Variants in SCLT1 observed in about 807,000 individuals in gnomAD.
The protein encoded by SCLT1 is sodium channel-associated protein 1.
Under a neutral mutation model 112.8 loss-of-function variants are expected in SCLT1, and 78 were observed. The observed-to-expected ratio is 0.69, with a 90% CI of 0.58 to 0.83. SCLT1 has a LOEUF of 0.83. SCLT1 is among the 40% of genes least tolerant of loss of function. The probability of loss-of-function intolerance (pLI) is 0.00; values close to 1 mark genes in which losing one functional copy is unlikely to be tolerated. For missense variants in SCLT1, 747 were observed against 770.4 expected, an observed-to-expected ratio of 0.97 and a Z score of 0.36; for synonymous variants, 257 against 254.7, an observed-to-expected ratio of 1.01 and a Z score of -0.09.
At chr4:128,935,021 A>G (rs553032672) in intron 18 of SCLT1, among the ~76,000 whole-genome samples, 1 of 152,150 alleles carries the variant, frequency 6.6e-6, no homozygotes, top group East Asian at 1.9e-4. Flanking sequence ...ATAACCATGA[A>G]GGAATATTAA....
At chr4:128,912,902 T>C (rs1230295524) in intron 18 of SCLT1, among the ~76,000 whole-genome samples, 1 of 152,216 alleles carries the variant, frequency 6.6e-6, no homozygotes, top group Non-Finnish European at 1.5e-5. Flanking sequence ...TGGATTCACA[T>C]ATACCACTGG....
chr4:128,975,614 T>C (rs942840325), intron 9 of SCLT1, among the ~76,000 whole-genome samples: 2 of 152,174 alleles, frequency 1.3e-5, no homozygotes, highest in Non-Finnish European at 2.9e-5. Flanking sequence ...TTCTCAGATA[T>C]AAAAGCTAGT....
At chr4:128,977,128 A>ACAG (rs1741246200) in intron 9 of SCLT1, among the ~76,000 whole-genome samples, 1 of 152,214 alleles carries the variant, frequency 6.6e-6, no homozygotes, top group South Asian at 2.1e-4. Flanking sequence ...AGTGATGACA[A>ACAG]CAATTCTGAG....
At chr4:128,948,335 C>CAA (rs11312069) in intron 15 of SCLT1, among the ~76,000 whole-genome samples, 161 bp downstream of exon 15, 28 of 47,956 alleles carry the variant, frequency 5.8e-4, no homozygotes, top group African/African-American at 7.1e-4. Context: ...GACTCCATTG[C>CAA]AAAAAAAAAA....
At chr4:129,038,348 T>TA (rs370530199) in intron 5 of SCLT1, among the ~76,000 whole-genome samples, 128 of 152,314 alleles carry the variant, frequency 8.4e-4, no homozygotes, top group African/African-American at 3.0e-3. Context: ...GCAAAATTGA[T>TA]ATTCATATAA....
chr4:128,951,743 ATGTCACTAAC>A (rs1214153713), intron 14 of SCLT1, among the ~76,000 whole-genome samples: 1 of 152,160 alleles, frequency 6.6e-6, no homozygotes, highest in African/African-American at 2.4e-5. Flanking sequence ...AAAAAATTAC[ATGTCACTAAC>A]TGGCCACATT....
intron 2 of SCLT1, among the ~76,000 whole-genome samples, chr4:129,071,241 T>G (rs558340608): frequency 6.6e-6 from 1 of 152,162 alleles, no homozygotes; most frequent in Admixed American, 6.6e-5. Context: ...TTGAACAGAA[T>G]GTGTATTCTG....
At chr4:128,920,084 G>C (rs1357290514) in intron 18 of SCLT1, among the ~76,000 whole-genome samples, 1 of 151,898 alleles carries the variant, frequency 6.6e-6, no homozygotes, top group Non-Finnish European at 1.5e-5. Context: ...ATCTGACAAA[G>C]ACACAAGAAA....
chr4:129,063,226 A>G (rs1750151840), intron 2 of SCLT1, among the ~76,000 whole-genome samples: 1 of 152,178 alleles, frequency 6.6e-6, no homozygotes, highest in Admixed American at 6.6e-5. Context: ...TAACATCTGA[A>G]TCAGTCTTAC....
chr4:128,880,834 C>A (rs1732624857), downstream of SCLT1, among the ~76,000 whole-genome samples: 1 of 152,096 alleles, frequency 6.6e-6, no homozygotes, highest in East Asian at 1.9e-4. Flanking sequence ...GTTTCGCAAT[C>A]TTCTTGGGGT....
intron 5 of SCLT1, among the ~76,000 whole-genome samples, chr4:129,035,431 TA>T (rs1747094897): frequency 6.6e-6 from 1 of 152,006 alleles, no homozygotes; most frequent in African/African-American, 2.4e-5. Flanking sequence ...CAAAAAGACA[TA>T]AAAACTGGTT....
At chr4:128,887,271 T>C (rs115054503) in intron 20 of SCLT1, among the ~76,000 whole-genome samples, 3,314 of 152,282 alleles carry the variant, frequency 0.022, 102 homozygotes, top group African/African-American at 0.072. Flanking sequence ...AACCCATTAG[T>C]TAATTCATAA....
At chr4:128,984,781 T>A (rs1027253475) in intron 9 of SCLT1, among the ~76,000 whole-genome samples, 1 of 152,106 alleles carries the variant, frequency 6.6e-6, no homozygotes, top group African/African-American at 2.4e-5. Context: ...CCATGACCTA[T>A]TATCATTATC....
chr4:129,086,557 C>A (rs1752412909), intron 1 of SCLT1, among the ~76,000 whole-genome samples: 1 of 152,024 alleles, frequency 6.6e-6, no homozygotes, highest in Non-Finnish European at 1.5e-5. Flanking sequence ...AGGCACTTAT[C>A]CAGAGGGTTC....
intron 5 of SCLT1, among the ~76,000 whole-genome samples, chr4:129,019,110 T>C (rs895160997): frequency 6.6e-6 from 1 of 152,108 alleles, no homozygotes; most frequent in Non-Finnish European, 1.5e-5. Context: ...TATAAAACAA[T>C]AAAACTGAAA....
intron 9 of SCLT1, among the ~76,000 whole-genome samples, chr4:128,982,710 C>T (rs941969703): frequency 2.0e-5 from 3 of 152,056 alleles, no homozygotes; most frequent in African/African-American, 7.3e-5. Flanking sequence ...CCATGTTGGC[C>T]AGGTTGGTCT....
chr4:129,028,356 CCTCAGAAAT>C (rs1156758212), intron 5 of SCLT1, among the ~76,000 whole-genome samples: 10 of 152,036 alleles, frequency 6.6e-5, no homozygotes. Context: ...AGAACAGAGC[CCTCAGAAAT>C]AACACCGCAT....
chr4:129,025,034 A>T (rs536247735), intron 5 of SCLT1, among the ~76,000 whole-genome samples: 28 of 152,318 alleles, frequency 1.8e-4, no homozygotes, highest in Middle Eastern at 3.4e-3. Flanking sequence ...AGCCTCCAAG[A>T]AATATGGGAC....
In SCLT1 at chr4:129,040,115, C is replaced by A. The variant is rs182810575; in HGVS notation, c.235-1019G>T. 8 of 693,796 alleles carry A rather than the reference C, an allele frequency of 1.2e-5. No homozygotes were observed. In the East Asian group the frequency reaches 1.9e-4, roughly 16 times the overall value. The allele number at this position is 693,796 out of a possible 1,614,324, so 43.0% of individuals were successfully genotyped here. A position where few individuals can be genotyped will look rare whatever the true frequency, so the allele number is the denominator to read the frequency against. On this transcript the variant is annotated intron_variant, in intron 4 of 20. Coordinates refer to ENST00000281142, the MANE Select transcript of SCLT1 (RefSeq NM_144643.4). The stretch of plus-strand genomic sequence containing the variant: ...CCAGCCTTTTTCTCTCTCTTTCAAC[C>A]GAGAAGATCAAGGAAGCTTGGTCTA...
Sources: gnomAD v4.1 joint callset for allele counts (sites outside exome capture counted in the v4.1 genomes callset) on GRCh38, gnomAD v4.1.1 for gene constraint, MANE v1.5 for transcripts, NCBI Gene and HGNC (gene_info 2026-07-23, HGNC 2026-07-21) for gene names.